Variants in SSUH2 observed in about 807,000 individuals in gnomAD.
The protein encoded by SSUH2 is ssu-2 homolog.
SSUH2 carries 47 observed loss-of-function variants against 55.3 expected under a neutral mutation model. The ratio of observed to expected loss-of-function variants is 0.85; its 90% CI spans 0.67 to 1.08. The LOEUF (loss-of-function observed/expected upper bound fraction) is 1.08. SSUH2 is among the 50% of genes least tolerant of loss of function. The probability of loss-of-function intolerance (pLI) is 0.00; values close to 1 mark genes in which losing one functional copy is unlikely to be tolerated. For missense variants in SSUH2, 535 were observed against 490.7 expected, an observed-to-expected ratio of 1.09 and a Z score of -0.85; for synonymous variants, 212 against 191.5, an observed-to-expected ratio of 1.11 and a Z score of -0.89.
upstream of SSUH2, among the ~76,000 whole-genome samples, chr3:8,648,814 T>C (rs1702039009): frequency 6.6e-6 from 1 of 152,124 alleles, no homozygotes; most frequent in Non-Finnish European, 1.5e-5. Context: ...GCTCCAGGAC[T>C]CTACCAATCC....
chr3:8,666,896 C>T (rs2125390699), intron 5 of SSUH2, among the ~76,000 whole-genome samples: 1 of 152,312 alleles, frequency 6.6e-6, no homozygotes, highest in Non-Finnish European at 1.5e-5. Context: ...ACTCAGGGAA[C>T]CACATTTACC....
chr3:8,646,684 C>G (rs867849770), upstream of SSUH2, among the ~76,000 whole-genome samples: 5 of 152,194 alleles, frequency 3.3e-5, no homozygotes, highest in Admixed American at 3.3e-4. Flanking sequence ...TTGAGTGACT[C>G]GGGGCAAGTA....
At position 8,629,357 on chromosome 3, in the gene SSUH2, G is replaced by A. The variant is rs1016268647; in HGVS notation, c.588+307C>T. ...GACTGCCTGGTAAGAAGAACCCCAG[G>A]TCTTGGCCCTCTTACAGGACCTAGA... On this transcript the variant is annotated intron_variant, in intron 7 of 11. Transcript: ENST00000544814. 3 of 379,316 alleles carry A rather than the reference G, an allele frequency of 7.9e-6. No homozygotes were observed. In the East Asian group the frequency reaches 1.5e-4, roughly 18 times the overall value. 23.5% of individuals were successfully genotyped at this position (379,316 alleles called of 1,614,324 possible). A position where few individuals can be genotyped will look rare whatever the true frequency, so the allele number is the denominator to read the frequency against.
intron 3 of SSUH2, chr3:8,634,220 C>A (rs2125192236): frequency 3.4e-6 from 2 of 580,352 alleles, no homozygotes; most frequent in Non-Finnish European, 5.6e-6. Context: ...GAGCTGCTAG[C>A]AACATGATGG....
At chr3:8,674,147 C>T (rs1397658414) in intron 3 of SSUH2, among the ~76,000 whole-genome samples, 8 of 152,284 alleles carry the variant, frequency 5.3e-5, no homozygotes, top group South Asian at 4.2e-4. Context: ...AGAGAATGAA[C>T]GTCAGGCCTG....
At chr3:8,680,755 T>C (rs1294264015) in intron 1 of SSUH2, among the ~76,000 whole-genome samples, 5 of 152,034 alleles carry the variant, frequency 3.3e-5, no homozygotes, top group Non-Finnish European at 7.4e-5. Context: ...GGGTGTATAC[T>C]TACTGCGATA....
chr3:8,659,912 G>T, intron 6 of SSUH2: 1 of 409,846 alleles, frequency 2.4e-6, no homozygotes, highest in South Asian at 1.9e-5. Flanking sequence ...GCAGACATCT[G>T]AGTTGGATCT....
At chr3:8,659,895 C>G in intron 6 of SSUH2, 1 of 426,180 alleles carries the variant, frequency 2.3e-6, no homozygotes, top group Admixed American at 2.5e-5. Context: ...GGAATCTTTC[C>G]AGGGAAGCAG....
At chr3:8,632,840 A>G (rs551479244) in intron 4 of SSUH2, among the ~76,000 whole-genome samples, 1 of 152,344 alleles carries the variant, frequency 6.6e-6, no homozygotes, top group South Asian at 2.1e-4. Context: ...GGGGAGGCAG[A>G]GGGAGCTGAA....
chr3:8,633,570 C>T, intron 4 of SSUH2, 96 bp downstream of exon 4: 1 of 1,057,002 alleles, frequency 9.5e-7, no homozygotes, highest in Non-Finnish European at 1.3e-6. Context: ...GGACTCCTTT[C>T]CCCTGGCCAC....
intron 1 of SSUH2, among the ~76,000 whole-genome samples, chr3:8,643,701 AT>A (rs1701251170): frequency 6.6e-6 from 1 of 152,196 alleles, no homozygotes; most frequent in African/African-American, 2.4e-5. Context: ...CTCCAGTGTC[AT>A]CAAGTCTGGT....
rs1346591639 is a variant in SSUH2 at position 8,681,681 on chromosome 3, C to T, written c.-1046+210G>A. Reference sequence around the variant, plus strand: ...TGGGGACTGAAAGTCAGCCCCTCTTCCCCCCGGCTCTTAGGACCCCCATCG... The same window carrying T: ...TGGGGACTGAAAGTCAGCCCCTCTTTCCCCCGGCTCTTAGGACCCCCATCG... On this transcript the variant is annotated intron_variant, in intron 1 of 18. Coordinates refer to the SSUH2 transcript ENST00000317371. Among the ~76,000 whole-genome samples the T allele has an allele frequency of 3.6e-4, 54 of 150,604 alleles. 2 individuals are homozygous for T. The highest frequency in any genetic ancestry group is 3.4e-3 in the Middle Eastern group (1 of 290).
At chr3:8,620,925 GA>G (rs1559263958) in intron 11 of SSUH2, among the ~76,000 whole-genome samples, 1 of 152,242 alleles carries the variant, frequency 6.6e-6, no homozygotes, top group East Asian at 1.9e-4. Context: ...CCCACAGGGA[GA>G]TGCTAAGTCC....
chr3:8,668,242 G>C (rs185687647), intron 5 of SSUH2, among the ~76,000 whole-genome samples: 1 of 152,154 alleles, frequency 6.6e-6, no homozygotes, highest in Admixed American at 6.5e-5. Context: ...AAATGAACCT[G>C]AGTATTCTAA....
chr3:8,676,219 G>A (rs1324587495), intron 3 of SSUH2, among the ~76,000 whole-genome samples: 3 of 151,752 alleles, frequency 2.0e-5, no homozygotes, highest in Admixed American at 6.6e-5. Context: ...CACACTCGGT[G>A]TACAGAGGGT....
intron 10 of SSUH2, among the ~76,000 whole-genome samples, chr3:8,624,592 C>T (rs898562336): frequency 8.5e-5 from 13 of 152,228 alleles, no homozygotes; most frequent in African/African-American, 2.7e-4. Context: ...CCAAGGCCAA[C>T]GGCAGAGTGA....
At chr3:8,624,836 T>C (rs1354012197) in intron 10 of SSUH2, among the ~76,000 whole-genome samples, 5 of 152,134 alleles carry the variant, frequency 3.3e-5, no homozygotes, top group Non-Finnish European at 7.3e-5. Flanking sequence ...CTCTCACTTC[T>C]GAGCTCCTAG....
intron 1 of SSUH2, among the ~76,000 whole-genome samples, chr3:8,639,733 C>T (rs1323160944): frequency 1.3e-5 from 2 of 152,214 alleles, no homozygotes; most frequent in African/African-American, 4.8e-5. Flanking sequence ...CCTAATTCCA[C>T]ATTAATCATC....
intron 11 of SSUH2, among the ~76,000 whole-genome samples, chr3:8,621,910 T>G (rs1185487292): frequency 6.6e-6 from 1 of 152,130 alleles, no homozygotes; most frequent in Non-Finnish European, 1.5e-5. Context: ...ATGGAGAGCA[T>G]GGCAATACCA....
Sources: allele counts gnomAD v4.1 joint callset (sites outside exome capture counted in the v4.1 genomes callset), GRCh38; gene constraint gnomAD v4.1.1; transcripts MANE v1.5; gene names NCBI Gene and HGNC (gene_info 2026-07-23, HGNC 2026-07-21).